SCHIP1: variants seen among roughly 807,000 people sequenced by gnomAD.
The protein encoded by SCHIP1 is schwannomin interacting protein 1, also known as schwannomin-interacting protein 1.
Under a neutral mutation model 29.7 loss-of-function variants are expected in SCHIP1, and 8 were observed. That is an observed-to-expected ratio of 0.27 (90% CI 0.16 to 0.49). The LOEUF is 0.49. Among genes scored for constraint, SCHIP1 ranks in the 20% least tolerant of loss-of-function variants. The probability of loss-of-function intolerance (pLI) is 0.99; values close to 1 mark genes in which losing one functional copy is unlikely to be tolerated. For missense variants in SCHIP1, 193 were observed against 294.6 expected, an observed-to-expected ratio of 0.66 and a Z score of 2.52; for synonymous variants, 76 against 94.9, an observed-to-expected ratio of 0.80 and a Z score of 1.16.
chr3:159,411,480 C>A, the SCHIP1 span, among the ~76,000 whole-genome samples: 3 of 152,222 alleles, frequency 2.0e-5, no homozygotes, highest in South Asian at 6.2e-4. Flanking sequence ...ACCTCAACTG[C>A]AGCACATATG....
At chr3:159,539,132 C>A in the SCHIP1 span, among the ~76,000 whole-genome samples, 1 of 152,022 alleles carries the variant, frequency 6.6e-6, no homozygotes, top group East Asian at 1.9e-4. Context: ...ATAAAGATGG[C>A]ATATTAGAGA....
the SCHIP1 span, among the ~76,000 whole-genome samples, chr3:159,658,563 G>T: frequency 6.6e-6 from 1 of 152,062 alleles, no homozygotes; most frequent in Admixed American, 6.5e-5. Flanking sequence ...AATCCTGTAG[G>T]TTGGACTGTC....
At chr3:159,684,020 C>G in the SCHIP1 span, among the ~76,000 whole-genome samples, 3 of 152,134 alleles carry the variant, frequency 2.0e-5, no homozygotes, top group African/African-American at 7.2e-5. Flanking sequence ...GACTGCCTCT[C>G]CCAGGGCTAT....
the SCHIP1 span, among the ~76,000 whole-genome samples, chr3:159,585,987 TGGA>T: frequency 6.6e-6 from 1 of 152,132 alleles, no homozygotes; most frequent in Non-Finnish European, 1.5e-5. Flanking sequence ...GATGGATGGA[TGGA>T]GAAGAATGTA....
chr3:159,838,631 C>T (rs1221127535), upstream of SCHIP1, among the ~76,000 whole-genome samples: 3 of 152,126 alleles, frequency 2.0e-5, no homozygotes, highest in African/African-American at 7.2e-5. Context: ...TGGCTCACGC[C>T]TATAATCCCA....
chr3:159,822,843 C>G, the SCHIP1 span, among the ~76,000 whole-genome samples: 1 of 151,470 alleles, frequency 6.6e-6, no homozygotes, highest in Non-Finnish European at 1.5e-5. Context: ...TTAGGAAGGA[C>G]AGACAATTAA....
the SCHIP1 span, among the ~76,000 whole-genome samples, chr3:159,326,602 G>T: frequency 6.6e-6 from 1 of 152,178 alleles, no homozygotes; most frequent in Non-Finnish European, 1.5e-5. Context: ...ATAAAATTAT[G>T]AAGATGATAT....
At chr3:159,384,802 G>A in the SCHIP1 span, among the ~76,000 whole-genome samples, 4,099 of 152,068 alleles carry the variant, frequency 0.027, 71 homozygotes, top group East Asian at 0.11. Context: ...TTATTGGTCT[G>A]TTCAGAGATT....
chr3:159,609,609 C>CT, the SCHIP1 span, among the ~76,000 whole-genome samples: 1 of 152,010 alleles, frequency 6.6e-6, no homozygotes, highest in Non-Finnish European at 1.5e-5. Flanking sequence ...TCAGAATGTG[C>CT]CCCCTAAAGA....
chr3:159,287,578 A>G, the SCHIP1 span, among the ~76,000 whole-genome samples: 4 of 152,178 alleles, frequency 2.6e-5, no homozygotes, highest in Non-Finnish European at 5.9e-5. Flanking sequence ...CTAGCACAAG[A>G]TAATTATAAT....
chr3:159,505,700 CTA>C, the SCHIP1 span, among the ~76,000 whole-genome samples: 3 of 152,140 alleles, frequency 2.0e-5, no homozygotes, highest in Admixed American at 2.0e-4. Flanking sequence ...CGATTCCCAC[CTA>C]TGAGTGAGAA....
chr3:159,423,379 T>G, the SCHIP1 span, among the ~76,000 whole-genome samples: 2 of 152,192 alleles, frequency 1.3e-5, no homozygotes, highest in Non-Finnish European at 2.9e-5. Context: ...CCGACGGGCT[T>G]AAAAAACGGC....
chr3:159,635,411 T>C, the SCHIP1 span, among the ~76,000 whole-genome samples: 1 of 152,180 alleles, frequency 6.6e-6, no homozygotes, highest in Non-Finnish European at 1.5e-5. Flanking sequence ...CTAATTGACA[T>C]GGAAGTATTT....
chr3:159,507,831 T>A, the SCHIP1 span, among the ~76,000 whole-genome samples: 1 of 152,358 alleles, frequency 6.6e-6, no homozygotes, highest in Admixed American at 6.5e-5. Context: ...TTGATCATAG[T>A]GGATAAGCTT....
the SCHIP1 span, among the ~76,000 whole-genome samples, chr3:159,800,262 TAGA>T: frequency 1.3e-5 from 2 of 152,134 alleles, no homozygotes; most frequent in African/African-American, 2.4e-5. Flanking sequence ...AACCCACCTT[TAGA>T]AGGAGAAGTC....
the SCHIP1 span, among the ~76,000 whole-genome samples, chr3:159,345,308 T>A: frequency 3.6e-3 from 536 of 149,750 alleles, 2 homozygotes; most frequent in African/African-American, 0.011. Context: ...GAAAAAAAAA[T>A]TTTTAAGAAA....
chr3:159,716,462 G>C, the SCHIP1 span, among the ~76,000 whole-genome samples: 2 of 152,188 alleles, frequency 1.3e-5, no homozygotes, highest in African/African-American at 2.4e-5. Flanking sequence ...TGGCAAATTG[G>C]ATAAAGAGTC....
chr3:159,584,174 A>G, the SCHIP1 span, among the ~76,000 whole-genome samples: 1 of 152,154 alleles, frequency 6.6e-6, no homozygotes, highest in South Asian at 2.1e-4. Flanking sequence ...CTCTTTAAAA[A>G]CAGTCAAAAA....
At chr3:159,618,676 A>G in the SCHIP1 span, among the ~76,000 whole-genome samples, 3 of 152,248 alleles carry the variant, frequency 2.0e-5, no homozygotes, top group Admixed American at 2.0e-4. Flanking sequence ...CTGTCAGTGC[A>G]CAGTTCTTGC....
Sources: allele counts gnomAD v4.1 joint callset (sites outside exome capture counted in the v4.1 genomes callset), GRCh38; gene constraint gnomAD v4.1.1; transcripts MANE v1.5; gene names NCBI Gene and HGNC (gene_info 2026-07-23, HGNC 2026-07-21).